Variants in STXBP5L observed in about 807,000 individuals in gnomAD.
STXBP5L encodes the protein syntaxin-binding protein 5-like.
A neutral mutation model predicts 144.5 loss-of-function variants in STXBP5L; 65 were observed. The ratio of observed to expected loss-of-function variants is 0.45; its 90% CI spans 0.37 to 0.55. The LOEUF (loss-of-function observed/expected upper bound fraction) is 0.55, where lower values mean the gene tolerates loss of function less well. Among genes scored for constraint, STXBP5L ranks in the 20% least tolerant of loss-of-function variants. The pLI is 0.00. For synonymous variants in STXBP5L, 505 were observed against 469.6 expected, an observed-to-expected ratio of 1.08 and a Z score of -0.97; for missense variants, 1,298 against 1,405.5, an observed-to-expected ratio of 0.92 and a Z score of 1.22.
At chr3:121,191,590 G>A (rs1004633775) in intron 9 of STXBP5L, among the ~76,000 whole-genome samples, 1 of 151,962 alleles carries the variant, frequency 6.6e-6, no homozygotes, top group Admixed American at 6.6e-5. Context: ...TTCCAATTCT[G>A]TGAAGAAAGT....
At chr3:121,356,197 G>A (rs201889436) in intron 20 of STXBP5L, among the ~76,000 whole-genome samples, 54 of 152,362 alleles carry the variant, frequency 3.5e-4, no homozygotes, top group East Asian at 7.7e-4. Context: ...TTCAAACGCC[G>A]TGCTGGGAGA....
intron 3 of STXBP5L, among the ~76,000 whole-genome samples, chr3:121,001,388 C>G (rs545465980): frequency 1.3e-5 from 2 of 152,182 alleles, no homozygotes; most frequent in African/African-American, 4.8e-5. Context: ...TCAGACTGGT[C>G]ACATCCCACA....
chr3:120,970,776 G>C (rs552062220), intron 3 of STXBP5L, among the ~76,000 whole-genome samples: 1 of 151,636 alleles, frequency 6.6e-6, no homozygotes, highest in South Asian at 2.1e-4. Context: ...CTTTTTCTTC[G>C]TGTCTCCTGA....
At chr3:120,944,727 A>G (rs1345589154) in intron 2 of STXBP5L, among the ~76,000 whole-genome samples, 1 of 151,722 alleles carries the variant, frequency 6.6e-6, no homozygotes, top group African/African-American at 2.4e-5. Context: ...ATTTTTTTGA[A>G]TCACAATGTG....
chr3:121,205,972 T>G lies in STXBP5L; in HGVS notation c.927T>G (p.Leu309=), dbSNP rs2048320682. 1 of 1,518,296 alleles carries G rather than the reference T, an allele frequency of 6.6e-7. No homozygotes were observed. Among genetic ancestry groups the G allele is most frequent in the Non-Finnish European group, 8.8e-7 (1 of 1,138,830 alleles). The allele number at this position is 1,518,296 out of a possible 1,614,324, so 94.1% of individuals were successfully genotyped here. A position where few individuals can be genotyped will look rare whatever the true frequency, so the allele number is the denominator to read the frequency against. The change falls in exon 10 of 27, where the codon CTT becomes CTG. Residue 309 remains leucine (L), a synonymous_variant. Transcript: ENST00000471454. ...AATCTGAATCTTGTAAACCAATTCT[T>G]AAAGTAGAATACAAGACCTGCAAAA... ...GRKSESCKPI[L]KVEYKTCKNS...
chr3:121,334,704 G>A (rs999065416), intron 20 of STXBP5L, among the ~76,000 whole-genome samples: 13 of 152,286 alleles, frequency 8.5e-5, no homozygotes, highest in Non-Finnish European at 1.8e-4. Context: ...ATCAATAAAT[G>A]TGATTCATCA....
chr3:121,398,353 A>T (rs1296502373), intron 22 of STXBP5L, among the ~76,000 whole-genome samples: 1 of 152,210 alleles, frequency 6.6e-6, no homozygotes, highest in Non-Finnish European at 1.5e-5. Flanking sequence ...GTGCAGCATA[A>T]ATCTACTGCG....
At chr3:121,088,447 T>A (rs1466821501) in intron 5 of STXBP5L, among the ~76,000 whole-genome samples, 1 of 105,176 alleles carries the variant, frequency 9.5e-6, no homozygotes, top group Admixed American at 1.2e-4. Flanking sequence ...AAACAACAGG[T>A]GCTGGAGAGG....
intron 20 of STXBP5L, among the ~76,000 whole-genome samples, chr3:121,326,877 A>G (rs961783142): frequency 3.0e-4 from 46 of 152,264 alleles, no homozygotes; most frequent in Non-Finnish European, 5.2e-4. Context: ...GCCATAACAA[A>G]GTAGAAATTC....
chr3:121,006,514 T>C lies in STXBP5L; in HGVS notation c.288-35186T>C, dbSNP rs574648078. ...ATCTTGACTCTATCCACTTTGCCAGTCCGTGTCTTTTAATTGGGGCATTTA... is the reference window on the plus strand; with the variant it reads ...ATCTTGACTCTATCCACTTTGCCAGCCCGTGTCTTTTAATTGGGGCATTTA... On this transcript the variant is annotated intron_variant, in intron 3 of 26. Transcript: ENST00000471454. Among the ~76,000 whole-genome samples, 64 of 152,304 alleles carry C rather than the reference T, an allele frequency of 4.2e-4. 1 individual carries two copies. The highest frequency in any genetic ancestry group is 2.5e-3 in the South Asian group (12 of 4,830).
chr3:120,963,053 C>T (rs1439785128), intron 3 of STXBP5L, among the ~76,000 whole-genome samples: 1 of 152,122 alleles, frequency 6.6e-6, no homozygotes, highest in Non-Finnish European at 1.5e-5. Flanking sequence ...AATGGGAGTT[C>T]ACTCATGATT....
chr3:121,287,057 A>G (rs935372975), intron 19 of STXBP5L, among the ~76,000 whole-genome samples: 1 of 152,182 alleles, frequency 6.6e-6, no homozygotes, highest in Non-Finnish European at 1.5e-5. Flanking sequence ...GTGCTGATCA[A>G]CGTATACATA....
intron 9 of STXBP5L, among the ~76,000 whole-genome samples, chr3:121,200,854 G>A (rs1480241295): frequency 6.6e-6 from 1 of 152,160 alleles, no homozygotes; most frequent in Admixed American, 6.6e-5. Context: ...GAGACTGTTT[G>A]TTATGATTTC....
chr3:121,164,019 A>T (rs2046412863), intron 9 of STXBP5L, among the ~76,000 whole-genome samples: 1 of 152,190 alleles, frequency 6.6e-6, no homozygotes, highest in Non-Finnish European at 1.5e-5. Context: ...ATAGTTGTGC[A>T]GTCATCAACA....
In STXBP5L at chr3:121,343,109, A is replaced by T. The variant is rs1230187432; in HGVS notation, c.2176+24569A>T. On this transcript the variant is annotated intron_variant, in intron 20 of 26. Transcript: ENST00000471454. ...TCTCTGATAGCCAGTGATGGTGAGC[A>T]TTTTTTCCTGTGTTTTTTGGCTGCA... 2.6e-5 allele frequency among the ~76,000 whole-genome samples: 4 copies of T among 151,948 alleles called. No individual in the cohort carries two copies. In the South Asian group the frequency reaches 8.3e-4, roughly 32 times the overall value.
At chr3:121,343,001 A>G (rs1251523353) in intron 20 of STXBP5L, among the ~76,000 whole-genome samples, 1 of 151,348 alleles carries the variant, frequency 6.6e-6, no homozygotes, top group Non-Finnish European at 1.5e-5. Context: ...CATCCTCTCC[A>G]GCACCTGCTG....
chr3:120,996,793 CTT>C (rs1027965509), intron 3 of STXBP5L, among the ~76,000 whole-genome samples: 1 of 152,142 alleles, frequency 6.6e-6, no homozygotes, highest in Non-Finnish European at 1.5e-5. Context: ...GAAATTCCCA[CTT>C]TTCTTGCTTT....
chr3:121,138,732 T>C, intron 7 of STXBP5L, among the ~76,000 whole-genome samples: 1 of 152,012 alleles, frequency 6.6e-6, no homozygotes, highest in Non-Finnish European at 1.5e-5. Flanking sequence ...TGAGACACTC[T>C]TTTCTCACTA....
At chr3:121,107,136 G>T (rs922933407) in intron 5 of STXBP5L, among the ~76,000 whole-genome samples, 2 of 151,720 alleles carry the variant, frequency 1.3e-5, no homozygotes, top group Non-Finnish European at 2.9e-5. Context: ...GTAGATTCTG[G>T]ATGTTAGACC....
Sources: gnomAD v4.1 joint callset for allele counts (sites outside exome capture counted in the v4.1 genomes callset) on GRCh38, gnomAD v4.1.1 for gene constraint, MANE v1.5 for transcripts, NCBI Gene and HGNC (gene_info 2026-07-23, HGNC 2026-07-21) for gene names.